RIT2: variants seen among roughly 807,000 people sequenced by gnomAD.
RIT2 encodes the protein GTP-binding protein Rit2.
RIT2 carries 24 observed loss-of-function variants against 23.7 expected under a neutral mutation model. That is an observed-to-expected ratio of 1.01 (90% CI 0.73 to 1.43). The LOEUF (loss-of-function observed/expected upper bound fraction) is 1.43, where lower values mean the gene tolerates loss of function less well. RIT2 is among the 40% of genes most tolerant of loss of function. RIT2 has a pLI of 0.00. For missense variants in RIT2, 236 were observed against 266.9 expected, an observed-to-expected ratio of 0.88 and a Z score of 0.81; for synonymous variants, 107 against 91.1, an observed-to-expected ratio of 1.17 and a Z score of -0.99.
intron 1 of RIT2, among the ~76,000 whole-genome samples, chr18:43,088,790 G>A (rs1016780315): frequency 5.9e-5 from 9 of 152,006 alleles, no homozygotes; most frequent in African/African-American, 2.2e-4. Flanking sequence ...ACCAACCAAG[G>A]GGGACCTTAT....
At chr18:42,879,078 G>A (rs1412285806) in intron 4 of RIT2, among the ~76,000 whole-genome samples, 1 of 151,860 alleles carries the variant, frequency 6.6e-6, no homozygotes, top group Admixed American at 6.6e-5. Context: ...AAATACATCA[G>A]GTATTTTACC....
At chr18:42,828,593 G>A (rs1906370485) in intron 4 of RIT2, among the ~76,000 whole-genome samples, 1 of 152,188 alleles carries the variant, frequency 6.6e-6, no homozygotes, top group East Asian at 1.9e-4. Context: ...AATCAGTCAG[G>A]TTAGGCAATG....
At chr18:42,975,073 C>T (rs1462881506) in intron 2 of RIT2, among the ~76,000 whole-genome samples, 3 of 152,010 alleles carry the variant, frequency 2.0e-5, no homozygotes, top group African/African-American at 7.2e-5. Context: ...ATTTTCACTC[C>T]CAGCAGCAGT....
intron 4 of RIT2, among the ~76,000 whole-genome samples, chr18:42,896,519 TTTTC>T (rs140988551): frequency 0.015 from 2,355 of 152,304 alleles, 61 homozygotes; most frequent in African/African-American, 0.052. Context: ...TGGTATTCTC[TTTTC>T]TTTCTGTTTC....
At chr18:43,021,388 C>T (rs1911594429) in intron 2 of RIT2, among the ~76,000 whole-genome samples, 1 of 151,898 alleles carries the variant, frequency 6.6e-6, no homozygotes, top group Non-Finnish European at 1.5e-5. Flanking sequence ...AATAACAGAT[C>T]CCGGCAAGGA....
At chr18:42,914,887 G>T (rs1369771351) in intron 4 of RIT2, among the ~76,000 whole-genome samples, 1 of 151,936 alleles carries the variant, frequency 6.6e-6, no homozygotes, top group Non-Finnish European at 1.5e-5. Context: ...AGAGAAGGAT[G>T]CACAGGGTTT....
intron 4 of RIT2, among the ~76,000 whole-genome samples, chr18:42,838,812 G>T (rs2144020738): frequency 1.3e-5 from 2 of 152,244 alleles, no homozygotes; most frequent in Middle Eastern, 3.4e-3. Flanking sequence ...TTAGGCACTA[G>T]AAAGTTTGCT....
intron 3 of RIT2, among the ~76,000 whole-genome samples, chr18:42,935,304 G>A (rs1909425794): frequency 6.6e-6 from 1 of 152,142 alleles, no homozygotes; most frequent in African/African-American, 2.4e-5. Context: ...AGTGGTGTGC[G>A]GCAGGGTTGA....
chr18:42,993,178 A>G (rs1910895418), intron 2 of RIT2, among the ~76,000 whole-genome samples: 1 of 152,206 alleles, frequency 6.6e-6, no homozygotes, highest in South Asian at 2.1e-4. Flanking sequence ...CACTGGGCCA[A>G]GGAATGCCCA....
intron 1 of RIT2, among the ~76,000 whole-genome samples, chr18:43,043,758 C>A (rs1480440945): frequency 6.6e-6 from 1 of 152,034 alleles, no homozygotes. Flanking sequence ...GAGATAGTGC[C>A]ATTGCACTCC....
intron 4 of RIT2, among the ~76,000 whole-genome samples, chr18:42,921,276 C>T (rs924189689): frequency 6.6e-6 from 1 of 152,150 alleles, no homozygotes; most frequent in African/African-American, 2.4e-5. Flanking sequence ...GACAGTGGTA[C>T]ACAAACATTT....
At chr18:42,890,628 G>A (rs555258133) in intron 4 of RIT2, among the ~76,000 whole-genome samples, 5 of 151,806 alleles carry the variant, frequency 3.3e-5, no homozygotes, top group African/African-American at 9.7e-5. Flanking sequence ...AAGCATAGAC[G>A]TTCTAAGAGC....
At chr18:42,757,963 T>C (rs571365019) in intron 4 of RIT2, among the ~76,000 whole-genome samples, 1 of 152,292 alleles carries the variant, frequency 6.6e-6, no homozygotes, top group East Asian at 1.9e-4. Flanking sequence ...TTACTGATTC[T>C]TGTCAAGTTT....
chr18:42,945,285 GTC>G (rs1277866640), intron 3 of RIT2, among the ~76,000 whole-genome samples: 1 of 151,088 alleles, frequency 6.6e-6, no homozygotes, highest in Non-Finnish European at 1.5e-5. Context: ...TTACATAAGA[GTC>G]TTTCTGCAAA....
At chr18:42,928,317 C>T (rs540169086) in intron 3 of RIT2, among the ~76,000 whole-genome samples, 12 of 152,010 alleles carry the variant, frequency 7.9e-5, no homozygotes, top group Admixed American at 5.9e-4. Flanking sequence ...GTTGAGAAAA[C>T]GGCAAGAACA....
intron 1 of RIT2, among the ~76,000 whole-genome samples, chr18:43,099,022 A>G (rs564173780): frequency 3.3e-5 from 5 of 152,182 alleles, no homozygotes; most frequent in South Asian, 4.1e-4. Context: ...GAAAGGGGAG[A>G]TGAACTTTTC....
At chr18:43,039,877 GA>G (rs760901820) in intron 1 of RIT2, among the ~76,000 whole-genome samples, 1 of 152,126 alleles carries the variant, frequency 6.6e-6, no homozygotes, top group Non-Finnish European at 1.5e-5. Context: ...ACTTGATGCT[GA>G]AAATGAGTAA....
intron 2 of RIT2, among the ~76,000 whole-genome samples, chr18:42,999,156 G>A (rs2144239336): frequency 6.6e-6 from 1 of 152,106 alleles, no homozygotes; most frequent in African/African-American, 2.4e-5. Context: ...ACTTCAAGAA[G>A]TTCTTCAGTT....
intron 3 of RIT2, among the ~76,000 whole-genome samples, chr18:42,931,942 C>T (rs1300641744): frequency 6.6e-6 from 1 of 151,976 alleles, no homozygotes; most frequent in African/African-American, 2.4e-5. Flanking sequence ...ACACACATAC[C>T]CACACGTGCT....
Sources: allele counts gnomAD v4.1 joint callset (sites outside exome capture counted in the v4.1 genomes callset), GRCh38; gene constraint gnomAD v4.1.1; transcripts MANE v1.5; gene names NCBI Gene and HGNC (gene_info 2026-07-23, HGNC 2026-07-21).